Variants in RELN observed in about 807,000 individuals in gnomAD.
RELN encodes reelin.
A neutral mutation model predicts 427.6 loss-of-function variants in RELN; 108 were observed. The ratio of observed to expected loss-of-function variants is 0.25; its 90% CI spans 0.22 to 0.30. The LOEUF is 0.30. Among genes scored for constraint, RELN ranks in the 10% least tolerant of loss-of-function variants. The pLI, the probability that RELN is intolerant of heterozygous loss-of-function variation, is 1.00. For missense variants in RELN, 3,715 were observed against 4,302.8 expected (o/e 0.86, Z 3.82); for synonymous variants, 1,524 against 1,513.4 (o/e 1.01, Z -0.16).
At chr7:103,833,006 A>G (rs1793312090) in intron 3 of RELN, among the ~76,000 whole-genome samples, 1 of 152,176 alleles carries the variant, frequency 6.6e-6, no homozygotes, top group Admixed American at 6.6e-5. Context: ...CACTTATTGC[A>G]TATATTTATG....
chr7:103,976,056 A>G (rs1173710627), intron 1 of RELN, among the ~76,000 whole-genome samples: 1 of 152,114 alleles, frequency 6.6e-6, no homozygotes. Context: ...GTTTCAGTGG[A>G]GGAATAAGAG....
At position 103,565,533 on chromosome 7, in the gene RELN, T is replaced by G; in HGVS notation, c.4955A>C (p.Glu1652Ala). The G allele has an allele frequency of 6.2e-7, 1 of 1,611,720 alleles. No individual in the cohort carries two copies. Among genetic ancestry groups the G allele is most frequent in the Non-Finnish European group, 8.5e-7 (1 of 1,179,402 alleles). ...TENIGKPRYA[E>A]TWDFHVSAST... ...TGCTGACACATGAAAATCCCAGGTC[T>G]CAGCATAACGAGGTTTTCCTGAAAA... The change falls in exon 34 of 65, where the codon GAG becomes GCG. Residue 1652 changes from glutamate (E) to alanine (A), a missense_variant. This residue lies in a region of RELN where 2,208 missense variants were observed against 2,361.7 expected (regional missense o/e 0.93). Coordinates refer to ENST00000428762, the MANE Select transcript of RELN (RefSeq NM_005045.4).
At chr7:103,547,584 A>G (rs1182696279) in intron 41 of RELN, among the ~76,000 whole-genome samples, 1 of 152,212 alleles carries the variant, frequency 6.6e-6, no homozygotes, top group Non-Finnish European at 1.5e-5. Context: ...GGCGTGAGTC[A>G]CCATGTCCAG....
chr7:103,704,038 C>G (rs567185623), intron 8 of RELN, among the ~76,000 whole-genome samples: 1 of 152,318 alleles, frequency 6.6e-6, no homozygotes, highest in South Asian at 2.1e-4. Flanking sequence ...CCCCCATACA[C>G]TGATGTGCAC....
chr7:103,566,119 T>C, intron 33 of RELN, 105 bp downstream of exon 33: 1 of 963,792 alleles, frequency 1.0e-6, no homozygotes, highest in Non-Finnish European at 1.6e-6. Context: ...TCAGCATGGG[T>C]AGTTAGGCAC....
At chr7:103,506,070 A>G (rs1295255839) in intron 51 of RELN, among the ~76,000 whole-genome samples, 2 of 152,236 alleles carry the variant, frequency 1.3e-5, no homozygotes, top group East Asian at 3.8e-4. Context: ...AAAGCCTCCA[A>G]GAAATATGGG....
At chr7:103,535,877 T>G (rs1315328361) in intron 45 of RELN, among the ~76,000 whole-genome samples, 1 of 151,958 alleles carries the variant, frequency 6.6e-6, no homozygotes, top group Non-Finnish European at 1.5e-5. Context: ...AGTGATAGAC[T>G]ATATATCACA....
intron 4 of RELN, among the ~76,000 whole-genome samples, chr7:103,772,087 TACTGGCTAGCCTCC>T (rs1363698112): frequency 2.6e-5 from 4 of 152,316 alleles, no homozygotes; most frequent in African/African-American, 9.6e-5. Context: ...TATAATGAAT[TACTGGCTAGCCTCC>T]TCTTTCTTAT....
At chr7:103,940,318 G>C (rs748817330) in intron 1 of RELN, among the ~76,000 whole-genome samples, 1 of 152,092 alleles carries the variant, frequency 6.6e-6, no homozygotes, top group Admixed American at 6.6e-5. Flanking sequence ...TAAATAAAAC[G>C]ATTTATATGA....
intron 12 of RELN, among the ~76,000 whole-genome samples, chr7:103,658,418 C>T (rs2215535): frequency 0.36 from 53,885 of 150,444 alleles, 9,690 homozygotes; most frequent in South Asian, 0.4. Context: ...ATGGCTTTAT[C>T]TCCCATCAGC....
At chr7:103,566,085 CT>C (rs996823089) in intron 33 of RELN, 138 bp downstream of exon 33, 22 of 751,316 alleles carry the variant, frequency 2.9e-5, no homozygotes, top group Middle Eastern at 7.4e-4. Context: ...CACAATAAAA[CT>C]TTTTTTTCAC....
chr7:103,613,179 A>G (rs1832000008), intron 20 of RELN, among the ~76,000 whole-genome samples: 1 of 152,248 alleles, frequency 6.6e-6, no homozygotes. Context: ...TGGGGCTAGT[A>G]AATGGGATAC....
intron 2 of RELN, among the ~76,000 whole-genome samples, chr7:103,911,082 G>A (rs1398853938): frequency 4.2e-5 from 6 of 144,116 alleles, no homozygotes; most frequent in African/African-American, 1.6e-4. Flanking sequence ...CAACATGGGA[G>A]AAAATTTTCA....
chr7:103,521,781 A>G (rs1829713535), intron 48 of RELN, among the ~76,000 whole-genome samples: 1 of 152,368 alleles, frequency 6.6e-6, no homozygotes, highest in South Asian at 2.1e-4. Context: ...CTGATTCCTT[A>G]GTATAAAGCA....
At chr7:103,502,080 A>AACTT (rs1829049265) in intron 52 of RELN, among the ~76,000 whole-genome samples, 2 of 152,256 alleles carry the variant, frequency 1.3e-5, no homozygotes, top group Middle Eastern at 3.2e-3. Flanking sequence ...GACACCGTTC[A>AACTT]ACTTACAAAT....
intron 19 of RELN, among the ~76,000 whole-genome samples, chr7:103,632,881 AATC>A (rs1832502147): frequency 6.6e-6 from 1 of 152,184 alleles, no homozygotes; most frequent in African/African-American, 2.4e-5. Flanking sequence ...TAAATATAAT[AATC>A]AAGACATAAA....
intron 2 of RELN, among the ~76,000 whole-genome samples, chr7:103,893,719 C>T (rs141173219): frequency 6.6e-6 from 1 of 152,236 alleles, no homozygotes; most frequent in African/African-American, 2.4e-5. Context: ...CAACCAAAGA[C>T]ATGCAAGTAC....
At chr7:103,901,044 T>C (rs1049102638) in intron 2 of RELN, among the ~76,000 whole-genome samples, 1 of 151,966 alleles carries the variant, frequency 6.6e-6, no homozygotes, top group African/African-American at 2.4e-5. Flanking sequence ...GTCCATACTG[T>C]TACAACTCAA....
In RELN at chr7:103,989,145, C is replaced by G. The variant is rs762361761; in HGVS notation, c.212G>C (p.Gly71Ala). ...IAGNPTYYVP[G>A]QEYHVTISTS... ...GCGGTACCTACCATGGTATTCTTGT[C>G]CCGGAACGTAGTAGGTGGGGTTGCC... Residue 71 changes from glycine (G) to alanine (A), a missense_variant, in exon 1 of 65, where the codon GGA becomes GCA. Transcript: ENST00000428762. This position sits in a 1 kb window ranked among gnomAD's most constrained non-coding sequence, Gnocchi z 4.9. 3 of 1,613,772 alleles carry G rather than the reference C, an allele frequency of 1.9e-6. No homozygotes were observed. The highest frequency in any genetic ancestry group is 2.5e-6 in the Non-Finnish European group (3 of 1,179,948).
Sources: allele counts gnomAD v4.1 joint callset (sites outside exome capture counted in the v4.1 genomes callset), GRCh38; gene constraint gnomAD v4.1.1; regional missense constraint gnomAD v4.1.1; non-coding constraint Gnocchi (gnomAD v3.1); transcripts MANE v1.5; gene names NCBI Gene and HGNC (gene_info 2026-07-23, HGNC 2026-07-21).